The following AFG2A variants were observed in gnomAD, a reference collection of about 807,000 sequenced individuals.
AFG2A encodes ATPase family gene 2 protein homolog A.
chr4:122,937,873 T>C, the AFG2A span, among the ~76,000 whole-genome samples: 1 of 152,218 alleles, frequency 6.6e-6, no homozygotes, highest in African/African-American at 2.4e-5. Context: ...GAGACTCTTA[T>C]CTTTTAAGCA....
the AFG2A span, among the ~76,000 whole-genome samples, chr4:123,184,173 A>G: frequency 2.0e-5 from 3 of 152,222 alleles, no homozygotes; most frequent in African/African-American, 4.8e-5. Flanking sequence ...TGAGATATAC[A>G]TGTTGATTTT....
chr4:123,238,738 C>T, the AFG2A span, among the ~76,000 whole-genome samples: 1 of 152,184 alleles, frequency 6.6e-6, no homozygotes, highest in African/African-American at 2.4e-5. Context: ...GAAACCAGAA[C>T]AGAAAAGCTG....
chr4:122,935,608 G>T, the AFG2A span: 8 of 1,323,494 alleles, frequency 6.0e-6, no homozygotes, highest in Admixed American at 7.7e-5. Flanking sequence ...CTCTTTTTGT[G>T]ACGCAAGGTA....
chr4:123,133,796 C>T, the AFG2A span, among the ~76,000 whole-genome samples: 1 of 152,196 alleles, frequency 6.6e-6, no homozygotes. Flanking sequence ...CTTGCCAAAA[C>T]TTACTGTCTT....
the AFG2A span, among the ~76,000 whole-genome samples, chr4:122,999,568 C>T: frequency 6.6e-6 from 1 of 152,032 alleles, no homozygotes; most frequent in African/African-American, 2.4e-5. Context: ...AATAGGGAAT[C>T]CTTTCCCCAT....
chr4:123,299,753 A>C, the AFG2A span, among the ~76,000 whole-genome samples: 1 of 152,346 alleles, frequency 6.6e-6, no homozygotes, highest in South Asian at 2.1e-4. Flanking sequence ...CTAAATGTAC[A>C]TACTCAAATT....
the AFG2A span, among the ~76,000 whole-genome samples, chr4:123,252,814 T>C: frequency 6.6e-6 from 1 of 152,238 alleles, no homozygotes; most frequent in Non-Finnish European, 1.5e-5. Flanking sequence ...AGTCAACCAC[T>C]AGTCTGCTTT....
chr4:123,300,752 GT>G, the AFG2A span, among the ~76,000 whole-genome samples: 2,768 of 146,252 alleles, frequency 0.019, 75 homozygotes, highest in African/African-American at 0.058. Flanking sequence ...TGTTTTTTTT[GT>G]TTTTTTTTTT....
the AFG2A span, among the ~76,000 whole-genome samples, chr4:123,243,183 G>A: frequency 2.6e-5 from 4 of 152,226 alleles, no homozygotes; most frequent in Non-Finnish European, 4.4e-5. Context: ...GTGGAAGACA[G>A]TGTGGTGATT....
At chr4:123,062,842 A>G in the AFG2A span, among the ~76,000 whole-genome samples, 6 of 152,208 alleles carry the variant, frequency 3.9e-5, no homozygotes, top group Non-Finnish European at 1.5e-5. Flanking sequence ...AATAAATTCT[A>G]TGCAATTTGT....
the AFG2A span, among the ~76,000 whole-genome samples, chr4:123,142,695 C>A: frequency 6.6e-6 from 1 of 151,944 alleles, no homozygotes; most frequent in Non-Finnish European, 1.5e-5. Context: ...AATCTCCCAA[C>A]AGCTGGAAAA....
the AFG2A span, among the ~76,000 whole-genome samples, chr4:123,096,394 A>G: frequency 6.6e-6 from 1 of 152,130 alleles, no homozygotes; most frequent in Non-Finnish European, 1.5e-5. Flanking sequence ...AATGATGCCC[A>G]AATAATAGTT....
At chr4:123,090,986 C>T in the AFG2A span, among the ~76,000 whole-genome samples, 1 of 152,180 alleles carries the variant, frequency 6.6e-6, no homozygotes, top group Non-Finnish European at 1.5e-5. Context: ...TCTCAAGGTT[C>T]AGGAAAACTG....
chr4:123,154,251 T>C, the AFG2A span, among the ~76,000 whole-genome samples: 1 of 152,110 alleles, frequency 6.6e-6, no homozygotes, highest in Non-Finnish European at 1.5e-5. Context: ...TTCCAGTTTA[T>C]TTAAAGATAC....
At chr4:122,927,835 G>A in the AFG2A span, 1 of 1,552,252 alleles carries the variant, frequency 6.4e-7, no homozygotes, top group Non-Finnish European at 8.7e-7. Context: ...ACTCTGAAAT[G>A]CTTTTGAGTG....
At chr4:123,247,188 T>C in the AFG2A span, among the ~76,000 whole-genome samples, 1 of 151,584 alleles carries the variant, frequency 6.6e-6, no homozygotes, top group Admixed American at 6.6e-5. Flanking sequence ...CTCAAATGGG[T>C]TACTTATGTA....
chr4:123,119,173 A>G, the AFG2A span, among the ~76,000 whole-genome samples: 1,436 of 152,224 alleles, frequency 9.4e-3, 33 homozygotes, highest in African/African-American at 0.032. Flanking sequence ...CATAATTTCA[A>G]TGTCAAGTAA....
chr4:122,949,401 G>A, the AFG2A span, among the ~76,000 whole-genome samples: 1 of 152,164 alleles, frequency 6.6e-6, no homozygotes, highest in Non-Finnish European at 1.5e-5. Context: ...AGGGGAATAG[G>A]TGAAGGTCAC....
the AFG2A span, among the ~76,000 whole-genome samples, chr4:122,954,694 A>G: frequency 6.6e-6 from 1 of 152,200 alleles, no homozygotes; most frequent in African/African-American, 2.4e-5. Flanking sequence ...CTTTCTACTC[A>G]TAGTTCTTCC....
Sources: gnomAD v4.1 joint callset for allele counts (sites outside exome capture counted in the v4.1 genomes callset) on GRCh38, gnomAD v4.1.1 for gene constraint, MANE v1.5 for transcripts, NCBI Gene and HGNC (gene_info 2026-07-23, HGNC 2026-07-21) for gene names.